Variants in SPATA16 observed in about 807,000 individuals in gnomAD.
SPATA16 encodes spermatogenesis-associated protein 16.
A neutral mutation model predicts 63.3 loss-of-function variants in SPATA16; 36 were observed. The observed-to-expected ratio is 0.57, with a 90% CI of 0.44 to 0.75. SPATA16 has a LOEUF of 0.75. Among genes scored for constraint, SPATA16 ranks in the 30% least tolerant of loss-of-function variants. The probability of loss-of-function intolerance (pLI) is 0.00; values close to 1 mark genes in which losing one functional copy is unlikely to be tolerated. For synonymous variants in SPATA16, 203 were observed against 216.7 expected (o/e 0.94, Z 0.56); for missense variants, 646 against 679.3 (o/e 0.95, Z 0.54).
At chr3:173,077,473 G>A (rs774197526) in intron 2 of SPATA16, among the ~76,000 whole-genome samples, 47 of 152,226 alleles carry the variant, frequency 3.1e-4, no homozygotes, top group Non-Finnish European at 6.5e-4. Context: ...GTACATGCAA[G>A]TCATTCCTCC....
At chr3:173,123,462 T>A in intron 1 of SPATA16, among the ~76,000 whole-genome samples, 1 of 152,196 alleles carries the variant, frequency 6.6e-6, no homozygotes, top group Non-Finnish European at 1.5e-5. Context: ...TAAAAGTTTT[T>A]TTTTTAACTT....
chr3:173,117,011 C>A, intron 2 of SPATA16, 109 bp downstream of exon 2: 2 of 1,107,526 alleles, frequency 1.8e-6, no homozygotes, highest in Non-Finnish European at 2.7e-6. Context: ...TACATATCCT[C>A]ACCTCATGAT....
intron 2 of SPATA16, among the ~76,000 whole-genome samples, chr3:173,073,727 A>C (rs2108308691): frequency 6.6e-6 from 1 of 152,108 alleles, no homozygotes; most frequent in South Asian, 2.1e-4. Flanking sequence ...TGGGGTTGAA[A>C]CCCCCACACA....
chr3:173,112,873 T>C (rs921150360), intron 2 of SPATA16, among the ~76,000 whole-genome samples: 11 of 152,216 alleles, frequency 7.2e-5, no homozygotes, highest in African/African-American at 2.7e-4. Flanking sequence ...AGGATACATA[T>C]AGATTTGTTC....
intron 6 of SPATA16, among the ~76,000 whole-genome samples, chr3:172,932,811 G>C (rs1031881526): frequency 6.6e-6 from 1 of 151,686 alleles, no homozygotes; most frequent in Non-Finnish European, 1.5e-5. Flanking sequence ...ATTTCCCTTT[G>C]ACCTTCATTA....
intron 3 of SPATA16, among the ~76,000 whole-genome samples, chr3:173,028,997 G>C (rs562709759): frequency 3.9e-4 from 60 of 152,074 alleles, no homozygotes; most frequent in African/African-American, 1.4e-3. Context: ...ATGGAATATA[G>C]AATAATTATT....
intron 5 of SPATA16, among the ~76,000 whole-genome samples, chr3:172,969,762 A>T (rs1734004596): frequency 6.6e-6 from 1 of 152,180 alleles, no homozygotes; most frequent in Non-Finnish European, 1.5e-5. Context: ...TGTAGTGGGC[A>T]GAAGAATCTA....
intron 5 of SPATA16, among the ~76,000 whole-genome samples, chr3:172,975,200 A>G (rs922574169): frequency 6.6e-6 from 1 of 152,142 alleles, no homozygotes; most frequent in Non-Finnish European, 1.5e-5. Flanking sequence ...CTCACATGTG[A>G]GCGTAAAAAC....
At chr3:172,927,299 C>T (rs1214300004) in intron 6 of SPATA16, among the ~76,000 whole-genome samples, 1 of 152,130 alleles carries the variant, frequency 6.6e-6, no homozygotes, top group African/African-American at 2.4e-5. Context: ...GAAAACACTG[C>T]AGTAAGTTAT....
chr3:172,916,477 C>CT lies in SPATA16; in HGVS notation c.1342dup (p.Ser448LysfsTer32). 1 of 1,613,610 alleles carries CT rather than the reference C, an allele frequency of 6.2e-7. No individual in the cohort carries two copies. Among genetic ancestry groups the CT allele is most frequent in the Non-Finnish European group, 8.5e-7 (1 of 1,179,626 alleles). The stretch of plus-strand genomic sequence containing the variant: ...CATCACACCTGAGGATGCAGGAAAA[C>CT]TCCCCTAGTCTCAAAGTAAAAGAAA... On this transcript the variant is annotated frameshift_variant, in exon 9 of 11. Coordinates refer to ENST00000351008, the MANE Select transcript of SPATA16 (RefSeq NM_031955.6). LOFTEE classifies it high-confidence loss of function.
chr3:172,903,335 A>G (rs1313913623), intron 10 of SPATA16, among the ~76,000 whole-genome samples: 2 of 152,254 alleles, frequency 1.3e-5, no homozygotes, highest in African/African-American at 4.8e-5. Flanking sequence ...TTTTGCAAAG[A>G]TAAAACTCCT....
chr3:172,928,747 G>T (rs912894655), intron 6 of SPATA16, among the ~76,000 whole-genome samples: 2 of 152,096 alleles, frequency 1.3e-5, no homozygotes, highest in Admixed American at 6.5e-5. Context: ...GATCCTATAT[G>T]CTTCATCCTG....
intron 6 of SPATA16, among the ~76,000 whole-genome samples, chr3:172,950,446 C>T (rs1048642241): frequency 2.6e-5 from 4 of 152,182 alleles, no homozygotes; most frequent in South Asian, 2.1e-4. Context: ...GATGATTTAT[C>T]GTCTTATAAC....
At chr3:173,062,227 C>G (rs1736398769) in intron 2 of SPATA16, among the ~76,000 whole-genome samples, 1 of 151,842 alleles carries the variant, frequency 6.6e-6, no homozygotes, top group East Asian at 1.9e-4. Flanking sequence ...ATTCCAGTTA[C>G]CTAATGTGAA....
chr3:173,009,357 G>C (rs1324393838), intron 4 of SPATA16, among the ~76,000 whole-genome samples: 1 of 152,192 alleles, frequency 6.6e-6, no homozygotes, highest in Non-Finnish European at 1.5e-5. Flanking sequence ...CGTGTCGTGG[G>C]GGAAAGGGTG....
intron 6 of SPATA16, among the ~76,000 whole-genome samples, chr3:172,926,351 A>G (rs1038691344): frequency 2.6e-5 from 4 of 152,342 alleles, no homozygotes; most frequent in African/African-American, 9.6e-5. Flanking sequence ...AACAGACTCA[A>G]TTCTTAATGA....
intron 2 of SPATA16, among the ~76,000 whole-genome samples, chr3:173,098,039 A>G (rs1038169769): frequency 6.6e-6 from 1 of 152,176 alleles, no homozygotes; most frequent in Non-Finnish European, 1.5e-5. Context: ...TTAAAAAATG[A>G]AAACAAAAAT....
rs567197914 is a variant in SPATA16, at chr3:173,009,901, A to C, written c.848+9585T>G. On this transcript the variant is annotated intron_variant, in intron 4 of 10. Transcript: ENST00000351008. ...TCAGTTACGGAATTTCTTGGGGCTT[A>C]AATACCCTTTAGACGTTTCCCTTTG... Among the ~76,000 whole-genome samples the C allele has an allele frequency of 1.1e-4, 16 of 152,358 alleles. No homozygotes were observed. In the South Asian group the frequency reaches 3.3e-3, roughly 32 times the overall value.
intron 2 of SPATA16, among the ~76,000 whole-genome samples, chr3:173,079,268 C>T (rs142190391): frequency 4.0e-4 from 61 of 152,072 alleles, no homozygotes; most frequent in Admixed American, 3.7e-3. Context: ...ATCATTATGA[C>T]GTGAAATCAC....
Sources: gnomAD v4.1 joint callset for allele counts (sites outside exome capture counted in the v4.1 genomes callset) on GRCh38, gnomAD v4.1.1 for gene constraint, MANE v1.5 for transcripts, NCBI Gene and HGNC (gene_info 2026-07-23, HGNC 2026-07-21) for gene names.